FPGS: variants seen among roughly 807,000 people sequenced by gnomAD.
FPGS encodes folylpolyglutamate synthase.
A neutral mutation model predicts 66.5 loss-of-function variants in FPGS; 53 were observed. The observed-to-expected ratio is 0.80, with a 90% CI of 0.64 to 1.00. The LOEUF (loss-of-function observed/expected upper bound fraction) is 1.00. Among genes scored for constraint, FPGS ranks in the 50% least tolerant of loss-of-function variants. The pLI is 0.00. For missense variants in FPGS, 702 were observed against 807.7 expected, an observed-to-expected ratio of 0.87 and a Z score of 1.59; for synonymous variants, 348 against 350.9, an observed-to-expected ratio of 0.99 and a Z score of 0.09.
At position 127,804,705 on chromosome 9, in the gene FPGS, T is replaced by C. The variant is rs557900013; in HGVS notation, c.386+5T>C. 1.1e-5 allele frequency: 18 copies of C among 1,613,950 alleles called. No homozygotes were observed. ...CCTGAAGACGGGATTCTTTAGGTAC[T>C]GGCTTGTGGGGGGATGTGGTGTCTG... On this transcript the variant is annotated splice_donor_5th_base_variant and intron_variant, in intron 4 of 14. Coordinates refer to ENST00000373247, the MANE Select transcript of FPGS (RefSeq NM_004957.6).
intron 11 of FPGS, 106 bp from the exon 12 acceptor site, chr9:127,809,578 A>AGGGC: frequency 8.6e-7 from 1 of 1,157,244 alleles, no homozygotes; most frequent in South Asian, 1.7e-5. Flanking sequence ...CTGAGTGTTG[A>AGGGC]GGGCGGGCGC....
Position 127,802,942 on chromosome 9 carries a change from C to G in FPGS, c.18C>G (p.Ser6Arg). The G allele has an allele frequency of 7.2e-7, 1 of 1,396,980 alleles. No homozygotes were observed. The highest frequency in any genetic ancestry group is 9.2e-7 in the Non-Finnish European group (1 of 1,081,758). 86.5% of individuals were successfully genotyped at this position (1,396,980 alleles called of 1,614,324 possible). Reference protein sequence around the residue: MSRARSHLRAALFLAA... With the variant: MSRARRHLRAALFLAA... ...CCGGGACTATGTCGCGGGCGCGGAG[C>G]CACCTGCGCGCCGCTCTATTCCTGG... is the stretch of plus-strand genomic sequence containing the variant. Residue 6 changes from serine (S) to arginine (R), a missense_variant, in exon 1 of 15, where the codon AGC becomes AGG. By Grantham distance (110) the Ser-to-Arg change is moderately radical (BLOSUM62 -1). Transcript: ENST00000373247.
chr9:127,811,110 G>T, intron 14 of FPGS, 99 bp downstream of exon 14: 2 of 625,404 alleles, frequency 3.2e-6, no homozygotes, highest in Non-Finnish European at 2.9e-6. Context: ...AAATAAATTT[G>T]TTTTACTGTG....
chr9:127,808,536 C>G (rs201728522), intron 9 of FPGS, 22 bp from the exon 10 acceptor site: 3 of 1,611,548 alleles, frequency 1.9e-6, no homozygotes, highest in South Asian at 1.1e-5. Context: ...TCTGCTGACC[C>G]GCTCCTGCCT....
chr9:127,808,597 G>C lies in FPGS; in HGVS notation c.862G>C (p.Glu288Gln). The change falls in exon 10 of 15, where the codon GAA becomes CAA. Residue 288 changes from glutamate to glutamine, a missense_variant. Coordinates refer to ENST00000373247, the MANE Select transcript of FPGS (RefSeq NM_004957.6). ...YLCPMLEALE[E>Q]GGPPLTLGLE... ...GTGTCCGATGCTGGAGGCCCTCGAG[G>C]AAGGGGGGCCGCCGCTGACCCTGGG... is the stretch of plus-strand genomic sequence containing the variant. 1 of 1,612,180 alleles carries C rather than the reference G, an allele frequency of 6.2e-7. No individual in the cohort carries two copies. Among genetic ancestry groups the C allele is most frequent in the Non-Finnish European group, 8.5e-7 (1 of 1,179,712 alleles).
At position 127,807,443 on chromosome 9, in the gene FPGS, T is replaced by C. The variant is rs1588555423; in HGVS notation, c.602T>C (p.Val201Ala). 5 of 1,613,956 alleles carry C rather than the reference T, an allele frequency of 3.1e-6. No individual in the cohort carries two copies. Among genetic ancestry groups the C allele is most frequent in the Non-Finnish European group, 4.2e-6 (5 of 1,179,948 alleles). ...QEKVDLAVVE[V>A]GIGGAYDCTN... is the part of the protein sequence containing the mutation. ...CAGGTGGACCTGGCAGTGGTGGAGGTGGGCATTGGCGGGGCTTATGACTGC... is the reference window on the plus strand; with the variant it reads ...CAGGTGGACCTGGCAGTGGTGGAGGCGGGCATTGGCGGGGCTTATGACTGC... The change falls in exon 7 of 15, where the codon GTG (valine) becomes GCG (alanine). Residue 201 changes from valine (V) to alanine (A), a missense_variant. By Grantham distance (64) the Val-to-Ala change is moderately conservative (BLOSUM62 0). Around this residue, in one of 3 missense-constraint regions of FPGS, gnomAD observed 240 missense variants for 348.6 expected, o/e 0.69. Coordinates refer to ENST00000373247, the MANE Select transcript of FPGS (RefSeq NM_004957.6). This position sits in a 1 kb window ranked among gnomAD's most constrained non-coding sequence, Gnocchi z 5.8.
chr9:127,809,891 T>G (rs1461921765), intron 12 of FPGS, 57 bp downstream of exon 12: 15 of 667,936 alleles, frequency 2.2e-5, no homozygotes, highest in Admixed American at 1.9e-4. Flanking sequence ...GGGCGGGATC[T>G]TGGGGAAGGG....
chr9:127,812,445 C>T (rs1830119120), intron 14 of FPGS, among the ~76,000 whole-genome samples: 1 of 151,952 alleles, frequency 6.6e-6, no homozygotes, highest in Admixed American at 6.6e-5. Context: ...ATTCTCCTGC[C>T]TCAGCCTCGT....
At chr9:127,804,062 C>T (rs1829713966) in intron 1 of FPGS, among the ~76,000 whole-genome samples, 1 of 152,222 alleles carries the variant, frequency 6.6e-6, no homozygotes, top group Non-Finnish European at 1.5e-5. Context: ...TGTAGCACTC[C>T]CTGGGTGGGG....
chr9:127,813,123 C>G, intron 14 of FPGS, 72 bp from the exon 15 acceptor site: 3 of 1,499,752 alleles, frequency 2.0e-6, no homozygotes, highest in Non-Finnish European at 2.7e-6. Context: ...CACGGTGCAC[C>G]CGCCCCTTTC....
Position 127,802,918 on chromosome 9 carries a change from C to G in FPGS, c.-7C>G. The G allele has an allele frequency of 2.2e-6, 3 of 1,368,440 alleles. No individual in the cohort carries two copies. The highest frequency in any genetic ancestry group is 3.1e-5 in the East Asian group (1 of 32,004). The allele number at this position is 1,368,440 out of a possible 1,614,324, so 84.8% of individuals were successfully genotyped here. ...GGGCCTAGAGCGCTGCCGGGGGCGC[C>G]GGGACTATGTCGCGGGCGCGGAGCC... On this transcript the variant is annotated 5_prime_UTR_variant, in exon 1 of 15. Transcript: ENST00000373247.
Position 127,813,247 on chromosome 9 carries a change from A to T in FPGS, c.1407A>T (p.Glu469Asp). 3 of 1,610,850 alleles carry T rather than the reference A, an allele frequency of 1.9e-6. No homozygotes were observed. The South Asian group carries it at 3.3e-5, about 18-fold the overall frequency. The change falls in exon 15 of 15, where the codon GAA becomes GAT. Residue 469 changes from glutamate (E) to aspartate (D), a missense_variant. Glu to Asp is a conservative substitution (Grantham distance 45). Coordinates refer to ENST00000373247, the MANE Select transcript of FPGS (RefSeq NM_004957.6). ...TLDQVLLRCL[E>D]HQQHWNHLDE... ...ACCAGGTCCTGCTCCGCTGCCTGGAACACCAGCAGCACTGGAACCACCTGG... is the reference window on the plus strand; with the variant it reads ...ACCAGGTCCTGCTCCGCTGCCTGGATCACCAGCAGCACTGGAACCACCTGG...
intron 9 of FPGS, 68 bp downstream of exon 9, chr9:127,808,379 A>C: frequency 6.7e-7 from 1 of 1,482,710 alleles, no homozygotes; most frequent in Non-Finnish European, 9.4e-7. Flanking sequence ...GAGGCACTGC[A>C]TCCTCTGGGG....
chr9:127,809,965 G>A lies in FPGS; in HGVS notation c.1212-66G>A, dbSNP rs371057946. The A allele has an allele frequency of 1.1e-5, 12 of 1,121,956 alleles. No individual in the cohort carries two copies. In the African/African-American group the frequency reaches 1.6e-4, roughly 15 times the overall value. The allele number at this position is 1,121,956 out of a possible 1,614,324, so 69.5% of individuals were successfully genotyped here. A position where few individuals can be genotyped will look rare whatever the true frequency, so the allele number is the denominator to read the frequency against. On this transcript the variant is annotated intron_variant, in intron 12 of 14. Transcript: ENST00000373247. ...GGGGAGGGGCGGGGTCGTGGGCGGGGACGGGATTGGTACCGCAGGGAGAAC... is the reference window on the plus strand; with the variant it reads ...GGGGAGGGGCGGGGTCGTGGGCGGGAACGGGATTGGTACCGCAGGGAGAAC...
rs758923980 is a variant in FPGS at position 127,808,213 on chromosome 9, C to G, written c.745-21C>G. Reference sequence around the variant, plus strand: ...TGGAGGATGCTAGGTAGCCCTTTCTCTCTCCTTCTTCCCTCCACAGCAAGG... The same window carrying G: ...TGGAGGATGCTAGGTAGCCCTTTCTGTCTCCTTCTTCCCTCCACAGCAAGG... On this transcript the variant is annotated intron_variant, in intron 8 of 14. Coordinates refer to ENST00000373247, the MANE Select transcript of FPGS (RefSeq NM_004957.6). The G allele has an allele frequency of 1.2e-5, 20 of 1,601,840 alleles. No homozygotes were observed. The Admixed American group carries it at 3.2e-4, about 25-fold the overall frequency.
At position 127,809,849 on chromosome 9, in the gene FPGS, T is replaced by TG. The variant is rs533224586; in HGVS notation, c.1211+20dup. 0.083 allele frequency: 72,138 copies of TG among 871,090 alleles called. 3,198 individuals carry two copies. The highest frequency in any genetic ancestry group is 0.1 in the Middle Eastern group (278 of 2,696). The allele number at this position is 871,090 out of a possible 1,614,324, so 54.0% of individuals were successfully genotyped here. A position where few individuals can be genotyped will look rare whatever the true frequency, so the allele number is the denominator to read the frequency against. On this transcript the variant is annotated intron_variant, in intron 12 of 14. Transcript: ENST00000373247. ...AGGCCGAGCGGGTGAGGGGCAGGGC[T>TG]GGGGGTGGGGCCGGGGCTGGCCCAC...
chr9:127,808,223 T>C lies in FPGS; in HGVS notation c.745-11T>C, dbSNP rs1216079679. ...TAGGTAGCCCTTTCTCTCTCCTTCTTCCCTCCACAGCAAGGTGTCCCTGCC... is the reference window on the plus strand; with the variant it reads ...TAGGTAGCCCTTTCTCTCTCCTTCTCCCCTCCACAGCAAGGTGTCCCTGCC... On this transcript the variant is annotated splice_polypyrimidine_tract_variant and intron_variant, in intron 8 of 14. Coordinates refer to ENST00000373247, the MANE Select transcript of FPGS (RefSeq NM_004957.6). The C allele has an allele frequency of 3.7e-6, 6 of 1,611,664 alleles. No individual in the cohort carries two copies. Among genetic ancestry groups the C allele is most frequent in the Non-Finnish European group, 5.1e-6 (6 of 1,177,864 alleles).
intron 4 of FPGS, chr9:127,806,720 A>G (rs972715475): frequency 5.7e-6 from 3 of 523,518 alleles, no homozygotes; most frequent in Non-Finnish European, 1.0e-5. Context: ...AATGTGCAAG[A>G]CCAGCCTGGG....
Position 127,807,586 on chromosome 9 carries a change from GA to G in FPGS, c.644del (p.Lys215SerfsTer52), listed in dbSNP as rs1454163319. 6.2e-7 allele frequency: 1 copy of G among 1,613,406 alleles called. No individual in the cohort carries two copies. Among genetic ancestry groups the G allele is most frequent in the African/African-American group, 1.3e-5 (1 of 74,892 alleles). The stretch of plus-strand genomic sequence containing the variant: ...CTCATGGCCTTTTCCTCCCCTGCAG[GA>G]AGCCTGTGGTGTGCGGAGTCTCCTC... ...GAYDCTNIIRKPVVCGVSSLG... is the reference protein window; with the variant it reads ...GAYDCTNIIRXPVVCGVSSLG... On this transcript the variant is annotated frameshift_variant and splice_region_variant, in exon 8 of 15. Coordinates refer to ENST00000373247, the MANE Select transcript of FPGS (RefSeq NM_004957.6). LOFTEE classifies it high-confidence loss of function. This position sits in a 1 kb window ranked among gnomAD's most constrained non-coding sequence, Gnocchi z 5.8.
Sources: gnomAD v4.1 joint callset for allele counts (sites outside exome capture counted in the v4.1 genomes callset) on GRCh38, gnomAD v4.1.1 for gene constraint, gnomAD v4.1.1 regional missense constraint, Gnocchi (gnomAD v3.1) non-coding constraint, MANE v1.5 for transcripts, NCBI Gene and HGNC (gene_info 2026-07-23, HGNC 2026-07-21) for gene names.